Variants in AJAP1 observed in about 807,000 individuals in gnomAD.
AJAP1 encodes adherens junction-associated protein 1.
A neutral mutation model predicts 35.0 loss-of-function variants in AJAP1; 5 were observed. The ratio of observed to expected loss-of-function variants is 0.14; its 90% CI spans 0.07 to 0.30. The LOEUF (loss-of-function observed/expected upper bound fraction) is 0.30. Among genes scored for constraint, AJAP1 ranks in the 10% least tolerant of loss-of-function variants. The pLI is 1.00. For missense variants in AJAP1, 586 were observed against 571.0 expected, an observed-to-expected ratio of 1.03 and a Z score of -0.27; for synonymous variants, 284 against 249.3, an observed-to-expected ratio of 1.14 and a Z score of -1.31.
At chr1:4,763,721 C>G (rs1264642014) in intron 2 of AJAP1, among the ~76,000 whole-genome samples, 1 of 151,806 alleles carries the variant, frequency 6.6e-6, no homozygotes, top group Admixed American at 6.6e-5. Context: ...CTCCCTCCCT[C>G]CTCTCCCTCT....
In AJAP1 at chr1:4,772,509, A is replaced by G. The variant is rs200738408; in HGVS notation, c.1147A>G (p.Thr383Ala). The G allele has an allele frequency of 4.3e-6, 7 of 1,613,888 alleles. No homozygotes were observed. The highest frequency in any genetic ancestry group is 5.1e-6 in the Non-Finnish European group (6 of 1,179,942). The part of the protein sequence containing the change: ...LHSTTGEYKS[T>A]FNGNRPSSSD... ...CTCGACGACGGGGGAGTACAAATCC[A>G]CATTTAATGGAAACCGGTAAGCTCG... is the stretch of plus-strand genomic sequence containing the variant. The change falls in exon 4 of 6, where the codon ACA becomes GCA. Residue 383 changes from threonine to alanine, a missense_variant. Thr to Ala is a moderately conservative substitution (Grantham distance 58, BLOSUM62 0). Transcript: ENST00000378191.
intron 2 of AJAP1, among the ~76,000 whole-genome samples, chr1:4,754,232 A>G (rs992963704): frequency 1.3e-5 from 2 of 152,244 alleles, no homozygotes; most frequent in Non-Finnish European, 2.9e-5. Context: ...AGTGTCCACA[A>G]TTAAAGACTT....
rs1230451155 is a variant in AJAP1, at chr1:4,720,172, A to G, written c.829+7473A>G. Among the ~76,000 whole-genome samples the G allele has an allele frequency of 6.6e-6, 1 of 152,186 alleles. No individual in the cohort carries two copies. The highest frequency in any genetic ancestry group is 1.9e-4 in the East Asian group (1 of 5,182). On this transcript the variant is annotated intron_variant, in intron 2 of 5. Coordinates refer to ENST00000378191, the MANE Select transcript of AJAP1 (RefSeq NM_018836.4). This position sits in a 1 kb window ranked among gnomAD's most constrained non-coding sequence, Gnocchi z 4.4. ...ACACTCAGTCCCGGAGACTCAGCCA[A>G]ATTCAGAGGCAGACGAACGAGTAAT...
intron 2 of AJAP1, among the ~76,000 whole-genome samples, chr1:4,741,048 G>A (rs1201728429): frequency 6.6e-6 from 1 of 151,980 alleles, no homozygotes; most frequent in African/African-American, 2.4e-5. Context: ...TGGGGGCCAT[G>A]GCCACTCAAG....
chr1:4,722,721 C>G (rs566516528), intron 2 of AJAP1, among the ~76,000 whole-genome samples: 1 of 152,228 alleles, frequency 6.6e-6, no homozygotes, highest in African/African-American at 2.4e-5. Flanking sequence ...TCACTCCAGT[C>G]TCTGGCTGCA....
In AJAP1 at chr1:4,692,344, C is replaced by G. The variant is rs1639760813; in HGVS notation, c.30-19556C>G. On this transcript the variant is annotated intron_variant, in intron 1 of 5. Transcript: ENST00000378191. The surrounding 1 kb of genome is among the most constrained non-coding windows in gnomAD (Gnocchi z 4.4). ...TCCGTCTCTGGGCCCCTCATGCAGC[C>G]CTTTCCCTTCTGGCCTCTCAGCCTG... 6.6e-6 allele frequency among the ~76,000 whole-genome samples: 1 copy of G among 152,152 alleles called. No individual in the cohort carries two copies. Among genetic ancestry groups the G allele is most frequent in the African/African-American group, 2.4e-5 (1 of 41,448 alleles).
At chr1:4,769,672 C>A (rs1367156976) in intron 2 of AJAP1, among the ~76,000 whole-genome samples, 181 bp from the exon 3 acceptor site, 1 of 152,152 alleles carries the variant, frequency 6.6e-6, no homozygotes, top group Non-Finnish European at 1.5e-5. Context: ...GCCTCATGCC[C>A]GGGGCCTGCA....
chr1:4,731,424 A>G (rs893168075), intron 2 of AJAP1, among the ~76,000 whole-genome samples: 3 of 152,192 alleles, frequency 2.0e-5, no homozygotes, highest in Non-Finnish European at 4.4e-5. Flanking sequence ...CATTTGCTCA[A>G]ACTCCTACAA....
chr1:4,732,877 C>G (rs1483739050), intron 2 of AJAP1, among the ~76,000 whole-genome samples: 2 of 152,218 alleles, frequency 1.3e-5, no homozygotes, highest in African/African-American at 2.4e-5. Flanking sequence ...TTTCTTTCCC[C>G]TGACGCTCTT....
intron 2 of AJAP1, among the ~76,000 whole-genome samples, chr1:4,765,611 A>G (rs1641667208): frequency 6.6e-6 from 1 of 152,162 alleles, no homozygotes; most frequent in Admixed American, 6.5e-5. Flanking sequence ...CTCTCTACAC[A>G]ATGATTCCAT....
intron 1 of AJAP1, among the ~76,000 whole-genome samples, chr1:4,674,829 C>T (rs984901258): frequency 3.9e-5 from 6 of 152,250 alleles, no homozygotes; most frequent in Non-Finnish European, 8.8e-5. Flanking sequence ...TCCATGCAAA[C>T]GAAAGCCTTG....
intron 2 of AJAP1, among the ~76,000 whole-genome samples, chr1:4,718,819 C>T (rs1640454221): frequency 6.6e-6 from 1 of 152,094 alleles, no homozygotes; most frequent in African/African-American, 2.4e-5. Flanking sequence ...CTGGGTTCAA[C>T]TCTGTCTTCT....
At chr1:4,769,380 C>G (rs1641778233) in intron 2 of AJAP1, among the ~76,000 whole-genome samples, 2 of 152,170 alleles carry the variant, frequency 1.3e-5, no homozygotes, top group South Asian at 2.1e-4. Flanking sequence ...CTGGGTCAGG[C>G]CAAACCCTGC....
At position 4,791,716 on chromosome 1, in the gene AJAP1, C is replaced by G. The variant is rs1570244675; in HGVS notation, c.*9231C>G. 1 of 152,226 alleles carries G rather than the reference C, an allele frequency of 6.6e-6. No homozygotes were observed. Among genetic ancestry groups the G allele is most frequent in the East Asian group, 1.9e-4 (1 of 5,194 alleles). The allele number at this position is 152,226 out of a possible 1,614,324, so 9.4% of individuals were successfully genotyped here. A position where few individuals can be genotyped will look rare whatever the true frequency, so the allele number is the denominator to read the frequency against. On this transcript the variant is annotated 3_prime_UTR_variant, in exon 6 of 6. Coordinates refer to ENST00000378191, the MANE Select transcript of AJAP1 (RefSeq NM_018836.4). ...ATTGGTATGGAATAAACAGGATACT[C>G]AGTGAAACATCCAAACTATTGACTG...
At chr1:4,726,547 G>A (rs559125646) in intron 2 of AJAP1, among the ~76,000 whole-genome samples, 1 of 152,196 alleles carries the variant, frequency 6.6e-6, no homozygotes, top group East Asian at 1.9e-4. Context: ...CTGGGCCGGA[G>A]GAAGAGGTCA....
intron 1 of AJAP1, among the ~76,000 whole-genome samples, chr1:4,696,825 A>G (rs1639872235): frequency 6.6e-6 from 1 of 151,174 alleles, no homozygotes; most frequent in Non-Finnish European, 1.5e-5. Context: ...GTGCATGTGT[A>G]TATGTGTGCA....
intron 2 of AJAP1, among the ~76,000 whole-genome samples, chr1:4,716,270 G>A (rs1640387349): frequency 6.6e-6 from 1 of 152,212 alleles, no homozygotes; most frequent in Non-Finnish European, 1.5e-5. Context: ...TCAGGGTAAT[G>A]GTTAAGAGTC....
At chr1:4,666,438 G>A (rs1639120310) in intron 1 of AJAP1, among the ~76,000 whole-genome samples, 2 of 152,332 alleles carry the variant, frequency 1.3e-5, no homozygotes, top group African/African-American at 2.4e-5. Flanking sequence ...CTGCCCGTGT[G>A]CGTTCAAGGG....
chr1:4,774,924 A>G (rs951358524), intron 5 of AJAP1, among the ~76,000 whole-genome samples: 2 of 152,110 alleles, frequency 1.3e-5, no homozygotes, highest in Non-Finnish European at 2.9e-5. Context: ...CTCATTTCCC[A>G]CAACAGGAGG....
Sources: gnomAD v4.1 joint callset for allele counts (sites outside exome capture counted in the v4.1 genomes callset) on GRCh38, gnomAD v4.1.1 for gene constraint, Gnocchi (gnomAD v3.1) non-coding constraint, MANE v1.5 for transcripts, NCBI Gene and HGNC (gene_info 2026-07-23, HGNC 2026-07-21) for gene names.